The following TSPO variants were observed in gnomAD, a reference collection of about 807,000 sequenced individuals.
TSPO encodes benzodiazepine peripheral binding site.
In TSPO, 14 loss-of-function variants were observed where a neutral mutation model predicts 13.9. The observed-to-expected ratio is 1.01, with a 90% confidence interval of 0.67 to 1.58. The LOEUF is 1.58. TSPO is among the 40% of genes most tolerant of loss of function. TSPO has a pLI of 0.00. For synonymous variants in TSPO, 114 were observed against 105.9 expected, an observed-to-expected ratio of 1.08 and a Z score of -0.47; for missense variants, 232 against 229.6, an observed-to-expected ratio of 1.01 and a Z score of -0.07.
At chr22:43,153,965 T>C (rs1931172493) in intron 1 of TSPO, among the ~76,000 whole-genome samples, 1 of 151,970 alleles carries the variant, frequency 6.6e-6, no homozygotes, top group Admixed American at 6.6e-5. Flanking sequence ...GCTGTTTCTT[T>C]ATTTTTTACT....
chr22:43,159,497 C>T, intron 2 of TSPO, 77 bp downstream of exon 2: 1 of 1,327,870 alleles, frequency 7.5e-7, no homozygotes, highest in Non-Finnish European at 9.7e-7. Flanking sequence ...AGAGGGTCTT[C>T]TCCAGGCGGG....
chr22:43,161,556 C>T (rs1189886904), intron 3 of TSPO, among the ~76,000 whole-genome samples: 4 of 151,252 alleles, frequency 2.6e-5, no homozygotes, highest in South Asian at 2.1e-4. Context: ...GGTGAGATCT[C>T]GGCCCACTGC....
At chr22:43,153,101 T>G in intron 1 of TSPO, among the ~76,000 whole-genome samples, 1 of 56,830 alleles carries the variant, frequency 1.8e-5, no homozygotes, top group South Asian at 6.6e-4. Context: ...TCCTTCCTTC[T>G]TTCCTTTCTC....
chr22:43,161,313 T>TCCC (rs1931431146), intron 3 of TSPO, 123 bp downstream of exon 3: 2 of 1,381,000 alleles, frequency 1.4e-6, no homozygotes, highest in Admixed American at 2.7e-5. Flanking sequence ...AGGCCATGTC[T>TCCC]CTCTAGCTGT....
At chr22:43,161,793 C>T (rs537679194) in intron 3 of TSPO, among the ~76,000 whole-genome samples, 7 of 152,070 alleles carry the variant, frequency 4.6e-5, no homozygotes, top group Non-Finnish European at 7.4e-5. Flanking sequence ...TAAGCCACCG[C>T]GCCCGGCTGA....
intron 3 of TSPO, among the ~76,000 whole-genome samples, chr22:43,162,121 T>C (rs1179196046): frequency 7.5e-6 from 1 of 133,830 alleles, no homozygotes; most frequent in Non-Finnish European, 1.5e-5. Flanking sequence ...CAGCTAATTT[T>C]CTGTATTTTT....
chr22:43,161,288 G>A lies in TSPO; in HGVS notation c.321+98G>A. 4 of 1,490,534 alleles carry A rather than the reference G, an allele frequency of 2.7e-6. No individual in the cohort carries two copies. The Admixed American group carries it at 9.2e-5, about 34-fold the overall frequency. 92.3% of individuals were successfully genotyped at this position (1,490,534 alleles called of 1,614,324 possible). A position where few individuals can be genotyped will look rare whatever the true frequency, so the allele number is the denominator to read the frequency against. ...CACTGGGTCAGTGTCTATAGGCGGG[G>A]CCAGGGGAGACAAAAGGCCATGTCT... On this transcript the variant is annotated intron_variant, in intron 3 of 3. Transcript: ENST00000337554.
At position 43,159,308 on chromosome 22, in the gene TSPO, C is replaced by T. The variant is rs1183984026; in HGVS notation, c.70C>T (p.Arg24Cys). ...CAGCCTGGGGTGCTTCGTGGGCTCC[C>T]GCTTTGTCCACGGCGAGGGTCTCCG... ...APSLGCFVGS[R>C]FVHGEGLRWY... The change falls in exon 2 of 4, where the codon CGC becomes TGC. Residue 24 changes from arginine (R) to cysteine (C), a missense_variant. Arg to Cys is a radical substitution (Grantham distance 180, BLOSUM62 -3). Transcript: ENST00000337554. The T allele has an allele frequency of 2.1e-5, 33 of 1,551,294 alleles. No individual in the cohort carries two copies. The highest frequency in any genetic ancestry group is 2.7e-5 in the Non-Finnish European group (31 of 1,147,850).
At position 43,156,395 on chromosome 22, in the gene TSPO, G is replaced by A. The variant is rs1388790846; in HGVS notation, c.-29-2815G>A. 2.6e-5 allele frequency among the ~76,000 whole-genome samples: 4 copies of A among 152,268 alleles called. No individual in the cohort carries two copies. In the South Asian group the frequency reaches 6.2e-4, roughly 24 times the overall value. On this transcript the variant is annotated intron_variant, in intron 1 of 3. Transcript: ENST00000337554. ...ACAGAATCGTGGGGAGTTCTGCCAC[G>A]TGCTACAAGGTGAGGACCTCTAGAA...
rs1455386103 is a variant in TSPO at position 43,161,191 on chromosome 22, G to A, written c.321+1G>A. ...CTTTGGTGCCCGACAAATGGGCTGG[G>A]TAAGTGTGGCCACAGCATGTGTCCC... is the stretch of plus-strand genomic sequence containing the variant. On this transcript the variant is annotated splice_donor_variant, in intron 3 of 3. Coordinates refer to ENST00000337554, the MANE Select transcript of TSPO (RefSeq NM_000714.6). LOFTEE classifies it high-confidence loss of function. 1.9e-6 allele frequency: 3 copies of A among 1,611,360 alleles called. No homozygotes were observed. The Admixed American group carries it at 5.0e-5, about 27-fold the overall frequency.
chr22:43,163,232 G>T lies in TSPO; in HGVS notation c.*241G>T. On this transcript the variant is annotated 3_prime_UTR_variant, in exon 4 of 4. Transcript: ENST00000337554. ...ATTTTATAAGCTGAATAAAGTTTTT[G>T]ACTTCCTTTACCATGGCCTTTTTGC... The T allele has an allele frequency of 7.7e-7, 1 of 1,295,380 alleles. No individual in the cohort carries two copies. The highest frequency in any genetic ancestry group is 1.5e-5 in the African/African-American group (1 of 67,052). 80.2% of individuals were successfully genotyped at this position (1,295,380 alleles called of 1,614,324 possible). A position where few individuals can be genotyped will look rare whatever the true frequency, so the allele number is the denominator to read the frequency against.
intron 1 of TSPO, among the ~76,000 whole-genome samples, chr22:43,158,810 G>A (rs1289238325): frequency 7.0e-6 from 1 of 143,842 alleles, no homozygotes; most frequent in African/African-American, 3.0e-5. Flanking sequence ...GTCACCAAAT[G>A]AATGAGTGAG....
At chr22:43,158,852 G>A (rs1931337795) in intron 1 of TSPO, among the ~76,000 whole-genome samples, 1 of 152,122 alleles carries the variant, frequency 6.6e-6, no homozygotes, top group Non-Finnish European at 1.5e-5. Context: ...AATGTGAAGT[G>A]CTGGAACGTA....
chr22:43,151,921 G>A (rs935386918), intron 1 of TSPO: 1 of 152,270 alleles, frequency 6.6e-6, no homozygotes, highest in Non-Finnish European at 1.5e-5. Flanking sequence ...TCCCAGGAGT[G>A]GCCGACGCTC....
At chr22:43,153,336 CTTTTTTTTTTT>C (rs1052119233) in intron 1 of TSPO, among the ~76,000 whole-genome samples, 1 of 50,746 alleles carries the variant, frequency 2.0e-5, no homozygotes, top group Admixed American at 1.8e-4. Flanking sequence ...TTTGTGTTTT[CTTTTTTTTTTT>C]TTTTTTTTTT....
At chr22:43,156,378 G>A (rs1445193163) in intron 1 of TSPO, among the ~76,000 whole-genome samples, 1 of 152,198 alleles carries the variant, frequency 6.6e-6, no homozygotes, top group East Asian at 1.9e-4. Flanking sequence ...TGACAGAATC[G>A]TGGGGAGTTC....
Position 43,163,074 on chromosome 22 carries a change from A to C in TSPO, c.*83A>C. ...TGGTGGCCGTCACGCTTTCATGACC[A>C]CTGGGCCTGCTAGTCTGTCAGGGCC... On this transcript the variant is annotated 3_prime_UTR_variant, in exon 4 of 4. Coordinates refer to ENST00000337554, the MANE Select transcript of TSPO (RefSeq NM_000714.6). 1 of 1,546,516 alleles carries C rather than the reference A, an allele frequency of 6.5e-7. No homozygotes were observed.
chr22:43,161,142 G>A lies in TSPO; in HGVS notation c.273G>A (p.Leu91=). ...GCCTCTACACTGGGCAGCTGGCCCTGAACTGGGCATGGCCCCCCATCTTCT... is the reference window on the plus strand; with the variant it reads ...GCCTCTACACTGGGCAGCTGGCCCTAAACTGGGCATGGCCCCCCATCTTCT... The part of the protein sequence containing the change: ...PLGLYTGQLA[L]NWAWPPIFFG... The change falls in exon 3 of 4, where the codon CTG becomes CTA. Residue 91 remains leucine, a synonymous_variant. Transcript: ENST00000337554. 6.2e-7 allele frequency: 1 copy of A among 1,614,164 alleles called. No individual in the cohort carries two copies. The highest frequency in any genetic ancestry group is 8.5e-7 in the Non-Finnish European group (1 of 1,179,974).
chr22:43,160,355 A>G (rs1931396473), intron 2 of TSPO, among the ~76,000 whole-genome samples: 1 of 152,172 alleles, frequency 6.6e-6, no homozygotes, highest in Admixed American at 6.5e-5. Context: ...GCCCTGGCTG[A>G]CCAGACTTTA....
Sources: allele counts gnomAD v4.1 joint callset (sites outside exome capture counted in the v4.1 genomes callset), GRCh38; gene constraint gnomAD v4.1.1; transcripts MANE v1.5; gene names NCBI Gene and HGNC (gene_info 2026-07-23, HGNC 2026-07-21).